The following PCCA variants were observed in gnomAD, a reference collection of about 807,000 sequenced individuals.
The protein encoded by PCCA is propionyl-CoA carboxylase alpha chain, mitochondrial.
In PCCA, 74 loss-of-function variants were observed where a neutral mutation model predicts 101.3. The observed-to-expected ratio is 0.73, with a 90% CI of 0.61 to 0.89. The LOEUF is 0.89. Ranked by LOEUF, PCCA falls within the 40% of genes least tolerant of loss-of-function variation. The pLI is 0.00. For synonymous variants in PCCA, 294 were observed against 313.6 expected (o/e 0.94, Z 0.66); for missense variants, 891 against 907.0 (o/e 0.98, Z 0.23).
rs780980983 is a variant in PCCA, at chr13:100,394,227, A to C, written c.1746+25653A>C. 6.6e-6 allele frequency among the ~76,000 whole-genome samples: 1 copy of C among 152,228 alleles called. No individual in the cohort carries two copies. Among genetic ancestry groups the C allele is most frequent in the Non-Finnish European group, 1.5e-5 (1 of 68,034 alleles). On this transcript the variant is annotated intron_variant, in intron 19 of 23. Transcript: ENST00000376285. The surrounding 1 kb of genome is among the most constrained non-coding windows in gnomAD (Gnocchi z 4.3). ...AACTGAATTCTCATTTCATTCATCC[A>C]TAACTAGAAACACCTCGCTTCAAAC...
intron 6 of PCCA, among the ~76,000 whole-genome samples, chr13:100,200,596 T>G (rs2058418129): frequency 6.6e-6 from 1 of 150,898 alleles, no homozygotes; most frequent in Non-Finnish European, 1.5e-5. Flanking sequence ...TTATGTTATA[T>G]ATGTATATTG....
At chr13:100,233,209 A>G (rs1454239007) in intron 7 of PCCA, among the ~76,000 whole-genome samples, 2 of 152,214 alleles carry the variant, frequency 1.3e-5, no homozygotes, top group African/African-American at 2.4e-5. Context: ...ATTTCTTTTT[A>G]AAAAGATTAT....
In PCCA at chr13:100,383,145, C is replaced by G. The variant is rs921663314; in HGVS notation, c.1746+14571C>G. Among the ~76,000 whole-genome samples the G allele has an allele frequency of 2.6e-5, 4 of 151,984 alleles. 1 individual carries two copies. The highest frequency in any genetic ancestry group is 4.2e-4 in the South Asian group (2 of 4,806). ...AGCTGAGACTACAGGGGCATGCTAC[C>G]ATGTCTGGCTAATTTTTATATTTTT... is the stretch of plus-strand genomic sequence containing the variant. On this transcript the variant is annotated intron_variant, in intron 19 of 23. Coordinates refer to ENST00000376285, the MANE Select transcript of PCCA (RefSeq NM_000282.4).
intron 12 of PCCA, among the ~76,000 whole-genome samples, chr13:100,286,434 G>C (rs539070391): frequency 6.6e-6 from 1 of 152,178 alleles, no homozygotes; most frequent in Non-Finnish European, 1.5e-5. Flanking sequence ...GACGGGGTGA[G>C]TGCTTTGGCG....
At position 100,224,776 on chromosome 13, in the gene PCCA, T is replaced by C. The variant is rs560692558; in HGVS notation, c.601-11066T>C. On this transcript the variant is annotated intron_variant, in intron 7 of 23. Coordinates refer to ENST00000376285, the MANE Select transcript of PCCA (RefSeq NM_000282.4). ...AACCTCAAGTCTGAGTGGTAGTGAG[T>C]TAGCTGAAAAGTGAGATTGATGATG... 3.3e-5 allele frequency among the ~76,000 whole-genome samples: 5 copies of C among 152,228 alleles called. No individual in the cohort carries two copies. In the South Asian group the frequency reaches 1.0e-3, roughly 32 times the overall value.
intron 8 of PCCA, among the ~76,000 whole-genome samples, chr13:100,254,211 C>T (rs2061935934): frequency 6.6e-6 from 1 of 152,076 alleles, no homozygotes; most frequent in African/African-American, 2.4e-5. Context: ...GGGAAAACCG[C>T]CCTCATGATT....
intron 20 of PCCA, among the ~76,000 whole-genome samples, chr13:100,427,772 A>G (rs981728755): frequency 6.6e-6 from 1 of 151,890 alleles, no homozygotes; most frequent in Non-Finnish European, 1.5e-5. Flanking sequence ...TCCTTGTGAA[A>G]GGGGATGGAT....
intron 17 of PCCA, among the ~76,000 whole-genome samples, chr13:100,333,092 C>G: frequency 6.6e-6 from 1 of 152,306 alleles, no homozygotes; most frequent in Non-Finnish European, 1.5e-5. Flanking sequence ...CCTATATTTG[C>G]CATTCTTAAT....
rs146061036 is a variant in PCCA, at chr13:100,330,650, G to A, written c.1519G>A (p.Val507Met). ...CATCAGCACTAAATTTCTCTCCGAT[G>A]TGTATCCTGATGGCTTCAAAGGTTT... Reference protein sequence around the residue: ...GDISTKFLSDVYPDGFKGHML... With the variant: ...GDISTKFLSDMYPDGFKGHML... The change falls in exon 17 of 24, where the codon GTG becomes ATG. Residue 507 changes from valine (V) to methionine (M), a missense_variant. By Grantham distance (21) the Val-to-Met change is conservative (BLOSUM62 1). Coordinates refer to ENST00000376285, the MANE Select transcript of PCCA (RefSeq NM_000282.4). 23 of 1,605,582 alleles carry A rather than the reference G, an allele frequency of 1.4e-5. No homozygotes were observed. In the African/African-American group the frequency reaches 2.7e-4, roughly 19 times the overall value.
rs149772960 is a variant in PCCA, at chr13:100,515,437, A to C, written c.1910A>C (p.Asn637Thr). ...IQFLGTVYKV[N>T]ILTRLAAELN... ...TGTTTTTCCCTTAAGTACAAGGTGA[A>C]TATCTTAACCAGACTTGCCGCAGAA... is the stretch of plus-strand genomic sequence containing the variant. Residue 637 changes from asparagine (N) to threonine (T), a missense_variant, in exon 22 of 24, where the codon AAT becomes ACT. Coordinates refer to ENST00000376285, the MANE Select transcript of PCCA (RefSeq NM_000282.4). 1 of 1,614,158 alleles carries C rather than the reference A, an allele frequency of 6.2e-7. No homozygotes were observed. Among genetic ancestry groups the C allele is most frequent in the South Asian group, 1.1e-5 (1 of 91,086 alleles).
intron 18 of PCCA, among the ~76,000 whole-genome samples, chr13:100,356,200 G>A (rs983347077): frequency 6.6e-6 from 1 of 152,164 alleles, no homozygotes; most frequent in East Asian, 1.9e-4. Flanking sequence ...GTTACGTTTG[G>A]TTAGGTAATA....
At chr13:100,382,940 G>A (rs541912679) in intron 19 of PCCA, among the ~76,000 whole-genome samples, 3 of 152,152 alleles carry the variant, frequency 2.0e-5, no homozygotes, top group African/African-American at 7.2e-5. Flanking sequence ...TTGGGGGAAG[G>A]GAAGGATCTG....
At chr13:100,456,363 A>G (rs1161937277) in intron 21 of PCCA, among the ~76,000 whole-genome samples, 2 of 152,198 alleles carry the variant, frequency 1.3e-5, no homozygotes, top group Non-Finnish European at 2.9e-5. Flanking sequence ...TTTATGACTC[A>G]TTCTTGTAGG....
intron 21 of PCCA, among the ~76,000 whole-genome samples, chr13:100,472,742 G>T (rs2083115438): frequency 6.6e-6 from 1 of 152,118 alleles, no homozygotes; most frequent in Admixed American, 6.6e-5. Context: ...CTGGCTTGGT[G>T]TGTGTTAGAG....
At chr13:100,139,705 A>T (rs1304036943) in intron 4 of PCCA, among the ~76,000 whole-genome samples, 2 of 152,042 alleles carry the variant, frequency 1.3e-5, no homozygotes, top group Non-Finnish European at 2.9e-5. Context: ...GATAATTTCA[A>T]CATTTTTGTT....
intron 7 of PCCA, among the ~76,000 whole-genome samples, chr13:100,217,429 G>C (rs944228692): frequency 6.7e-6 from 1 of 148,738 alleles, no homozygotes; most frequent in African/African-American, 2.5e-5. Context: ...GGGTGACAGA[G>C]CGAGACTCCA....
chr13:100,368,633 C>T lies in PCCA; in HGVS notation c.1746+59C>T, dbSNP rs140733049. 2.9e-4 allele frequency: 292 copies of T among 1,009,764 alleles called. 1 individual carries two copies. In the African/African-American group the frequency reaches 4.1e-3, roughly 14 times the overall value. 62.6% of individuals were successfully genotyped at this position (1,009,764 alleles called of 1,614,324 possible). ...TGATGTTATCTATGAATATTTAAAG[C>T]CATTTTTAACCTGTTCAGTGACTCT... On this transcript the variant is annotated intron_variant, in intron 19 of 23. Coordinates refer to ENST00000376285, the MANE Select transcript of PCCA (RefSeq NM_000282.4).
intron 19 of PCCA, among the ~76,000 whole-genome samples, chr13:100,386,016 G>T (rs766827000): frequency 1.3e-5 from 2 of 152,222 alleles, no homozygotes; most frequent in Non-Finnish European, 2.9e-5. Context: ...TTTATACTGT[G>T]TGTTATGTCC....
At chr13:100,248,964 G>C (rs1255416857) in intron 8 of PCCA, among the ~76,000 whole-genome samples, 1 of 151,930 alleles carries the variant, frequency 6.6e-6, no homozygotes, top group Non-Finnish European at 1.5e-5. Flanking sequence ...ATGTTGGCCA[G>C]GCTGGTCTCG....
Sources: allele counts gnomAD v4.1 joint callset (sites outside exome capture counted in the v4.1 genomes callset), GRCh38; gene constraint gnomAD v4.1.1; non-coding constraint Gnocchi (gnomAD v3.1); transcripts MANE v1.5; gene names NCBI Gene and HGNC (gene_info 2026-07-23, HGNC 2026-07-21).